Variants in TTC8 observed in about 807,000 individuals in gnomAD.
The protein encoded by TTC8 is tetratricopeptide repeat domain 8.
TTC8 carries 47 observed loss-of-function variants against 72.5 expected under a neutral mutation model. The observed-to-expected ratio is 0.65, with a 90% CI of 0.51 to 0.83. The LOEUF (loss-of-function observed/expected upper bound fraction) is 0.83, where lower values mean the gene tolerates loss of function less well. TTC8 is among the 40% of genes least tolerant of loss of function. The pLI is 0.00. For missense variants in TTC8, 611 were observed against 623.2 expected, an observed-to-expected ratio of 0.98 and a Z score of 0.21; for synonymous variants, 199 against 221.4, an observed-to-expected ratio of 0.90 and a Z score of 0.90.
chr14:88,826,802 G>A (rs1469734147), intron 1 of TTC8, among the ~76,000 whole-genome samples: 2 of 152,106 alleles, frequency 1.3e-5, no homozygotes, highest in Admixed American at 6.5e-5. Flanking sequence ...ATTGAGTTAC[G>A]GTAGTTTTCA....
chr14:88,828,295 G>A (rs767279861), intron 1 of TTC8, among the ~76,000 whole-genome samples: 6 of 152,140 alleles, frequency 3.9e-5, no homozygotes, highest in Non-Finnish European at 7.3e-5. Flanking sequence ...TTTCGGTGGA[G>A]GAAGTTAAAT....
At chr14:88,827,946 G>A (rs1281157637) in intron 1 of TTC8, among the ~76,000 whole-genome samples, 1 of 152,034 alleles carries the variant, frequency 6.6e-6, no homozygotes, top group Non-Finnish European at 1.5e-5. Context: ...AGGCACACAG[G>A]GGCTTTTGAT....
chr14:88,828,725 T>C (rs1262311076), intron 1 of TTC8, among the ~76,000 whole-genome samples: 1 of 152,240 alleles, frequency 6.6e-6, no homozygotes, highest in East Asian at 1.9e-4. Context: ...TGTTAATCTT[T>C]TTATAAGCTG....
chr14:88,859,478 A>G (rs2094873559), intron 9 of TTC8, among the ~76,000 whole-genome samples: 1 of 152,162 alleles, frequency 6.6e-6, no homozygotes, highest in Non-Finnish European at 1.5e-5. Flanking sequence ...GAACACATGG[A>G]CACATAGAGG....
intron 11 of TTC8, among the ~76,000 whole-genome samples, chr14:88,870,632 A>C (rs897111236): frequency 1.1e-4 from 17 of 152,236 alleles, no homozygotes; most frequent in African/African-American, 3.9e-4. Context: ...TGTTTTGTGC[A>C]GCATTGTTGG....
chr14:88,835,533 G>C (rs1348909036), intron 2 of TTC8, among the ~76,000 whole-genome samples: 1 of 152,046 alleles, frequency 6.6e-6, no homozygotes, highest in Non-Finnish European at 1.5e-5. Context: ...AAAAAACAAA[G>C]TTCCAAAAGC....
At chr14:88,845,997 G>A (rs140205976) in intron 7 of TTC8, among the ~76,000 whole-genome samples, 3 of 151,904 alleles carry the variant, frequency 2.0e-5, no homozygotes, top group Admixed American at 6.6e-5. Context: ...TTGGATGGAG[G>A]GGGGAGTGGT....
chr14:88,827,691 C>A (rs748527068), intron 1 of TTC8, among the ~76,000 whole-genome samples: 5 of 152,180 alleles, frequency 3.3e-5, no homozygotes, highest in Non-Finnish European at 7.4e-5. Context: ...GTATTTTGCA[C>A]CCAGTTGTTA....
At chr14:88,858,841 A>G (rs2094870149) in intron 9 of TTC8, among the ~76,000 whole-genome samples, 1 of 139,392 alleles carries the variant, frequency 7.2e-6, no homozygotes. Context: ...GCCTCAAGCG[A>G]TCCTCTGGCC....
chr14:88,875,032 G>A lies in TTC8; in HGVS notation c.1354G>A (p.Ala452Thr). 1.9e-6 allele frequency: 3 copies of A among 1,611,552 alleles called. No individual in the cohort carries two copies. The highest frequency in any genetic ancestry group is 2.5e-6 in the Non-Finnish European group (3 of 1,179,126). ...MRKGHVEQAR[A>T]LLQTASSLAP... ...TCTTTATTTTTATACACAGGCAAGG[G>A]CACTATTACAAACTGCATCATCATT... Residue 452 changes from alanine (A) to threonine (T), a missense_variant, in exon 14 of 15, where the codon GCA (alanine) becomes ACA (threonine). Ala to Thr is a moderately conservative substitution (Grantham distance 58). Transcript: ENST00000380656.
At position 88,871,623 on chromosome 14, in the gene TTC8, A is replaced by G; in HGVS notation, c.1124A>G (p.Gln375Arg). ...GGGCTGTGTTGCTTCTATGCCCAGC[A>G]GTATGATATGACTCTGACCTCATTT... Reference protein sequence around the residue: ...NLGLCCFYAQQYDMTLTSFER... With the variant: ...NLGLCCFYAQRYDMTLTSFER... The change falls in exon 12 of 15, where the codon CAG becomes CGG. Residue 375 changes from glutamine to arginine, a missense_variant. Gln to Arg is a conservative substitution (Grantham distance 43). Transcript: ENST00000380656. The surrounding 1 kb of genome is among the most constrained non-coding windows in gnomAD (Gnocchi z 4.1). 1.2e-6 allele frequency: 2 copies of G among 1,614,168 alleles called. No individual in the cohort carries two copies.
chr14:88,824,293 A>G (rs2094687886), upstream of TTC8: 1 of 171,644 alleles, frequency 5.8e-6, no homozygotes. Flanking sequence ...AGCGAATGGA[A>G]GAAGTAGGAC....
intron 7 of TTC8, among the ~76,000 whole-genome samples, chr14:88,852,677 G>C (rs1379353637): frequency 6.6e-6 from 1 of 151,956 alleles, no homozygotes; most frequent in Non-Finnish European, 1.5e-5. Context: ...TAAAAACTTA[G>C]GCATTTTTTA....
chr14:88,855,964 A>C (rs2094853899), intron 8 of TTC8, among the ~76,000 whole-genome samples: 1 of 152,206 alleles, frequency 6.6e-6, no homozygotes, highest in South Asian at 2.1e-4. Flanking sequence ...ACATGTCAGT[A>C]ATCCCAGCTA....
chr14:88,874,965 A>C, intron 13 of TTC8, 61 bp from the exon 14 acceptor site: 1 of 1,340,022 alleles, frequency 7.5e-7, no homozygotes, highest in Non-Finnish European at 1.0e-6. Context: ...AAAAACACAA[A>C]TATGGTGCTG....
intron 11 of TTC8, 91 bp downstream of exon 11, chr14:88,870,289 G>A (rs922762634): frequency 7.2e-7 from 1 of 1,393,528 alleles, no homozygotes; most frequent in Non-Finnish European, 1.0e-6. Flanking sequence ...GAGAAATAAG[G>A]TATAGGCCAT....
rs1188208020 is a variant in TTC8 at position 88,841,062 on chromosome 14, A to G, written c.355A>G (p.Ile119Val). The G allele has an allele frequency of 3.1e-6, 5 of 1,613,982 alleles. No homozygotes were observed. Among genetic ancestry groups the G allele is most frequent in the Non-Finnish European group, 4.2e-6 (5 of 1,180,000 alleles). Residue 119 changes from isoleucine to valine, a missense_variant, in exon 5 of 15, where the codon ATT becomes GTT. By Grantham distance (29) the Ile-to-Val change is conservative. Transcript: ENST00000380656. ...VRPITQAGRP[I>V]TGFLRPSTQS... ...GCCAATCACACAAGCTGGAAGACCC[A>G]TTACAGGTTTCCTCAGGCCCAGCAC...
intron 3 of TTC8, 21 bp downstream of exon 3, chr14:88,839,593 TA>T (rs1303722837): frequency 6.2e-7 from 1 of 1,612,018 alleles, no homozygotes; most frequent in African/African-American, 1.3e-5. Context: ...GGTTTTCAGT[TA>T]AGTTAATGAA....
At chr14:88,865,153 C>G (rs2094904497) in intron 10 of TTC8, among the ~76,000 whole-genome samples, 1 of 152,034 alleles carries the variant, frequency 6.6e-6, no homozygotes, top group African/African-American at 2.4e-5. Context: ...TTTAGCCATT[C>G]TTTGTTGAAA....
Sources: gnomAD v4.1 joint callset for allele counts (sites outside exome capture counted in the v4.1 genomes callset) on GRCh38, gnomAD v4.1.1 for gene constraint, Gnocchi (gnomAD v3.1) non-coding constraint, MANE v1.5 for transcripts, NCBI Gene and HGNC (gene_info 2026-07-23, HGNC 2026-07-21) for gene names.